DNMBP: variants seen among roughly 807,000 people sequenced by gnomAD.
The protein encoded by DNMBP is dynamin-binding protein.
Under a neutral mutation model 150.0 loss-of-function variants are expected in DNMBP, and 87 were observed. The observed-to-expected ratio is 0.58, with a 90% CI of 0.49 to 0.69. The LOEUF (loss-of-function observed/expected upper bound fraction) is 0.69. DNMBP is among the 30% of genes least tolerant of loss of function. The probability of loss-of-function intolerance (pLI) is 0.00; values close to 1 mark genes in which losing one functional copy is unlikely to be tolerated. For synonymous variants in DNMBP, 711 were observed against 750.4 expected (o/e 0.95, Z 0.86); for missense variants, 1,774 against 1,949.0 (o/e 0.91, Z 1.69).
At chr10:100,001,365 A>G (rs1337062644) in intron 1 of DNMBP, among the ~76,000 whole-genome samples, 1 of 150,418 alleles carries the variant, frequency 6.6e-6, no homozygotes, top group Non-Finnish European at 1.5e-5. Flanking sequence ...ACACTAGCAA[A>G]AAGTGATTAG....
chr10:99,886,417 C>G lies in DNMBP; in HGVS notation c.3501G>C (p.Glu1167Asp). 6.2e-7 allele frequency: 1 copy of G among 1,614,210 alleles called. No homozygotes were observed. The highest frequency in any genetic ancestry group is 8.5e-7 in the Non-Finnish European group (1 of 1,180,034). ...GGGCGTACTGGTGGAACTTGGGCAGCTCATCCAGCAGCTGTGCATTCAGGG... is the reference window on the plus strand; with the variant it reads ...GGGCGTACTGGTGGAACTTGGGCAGGTCATCCAGCAGCTGTGCATTCAGGG... ...YEALNAQLLD[E>D]LPKFHQYAQG... The change falls in exon 13 of 17, where the codon GAG (glutamate) becomes GAC (aspartate). Residue 1167 changes from glutamate to aspartate, a missense_variant. Around this residue, in one of 2 missense-constraint regions of DNMBP, gnomAD observed 1,430 missense variants for 1,492.5 expected, o/e 0.96. Coordinates refer to ENST00000324109, the MANE Select transcript of DNMBP (RefSeq NM_015221.4).
At chr10:99,970,581 T>C (rs967068740) in intron 2 of DNMBP, among the ~76,000 whole-genome samples, 1 of 151,498 alleles carries the variant, frequency 6.6e-6, no homozygotes, top group Admixed American at 6.6e-5. Flanking sequence ...TAAGATCAAG[T>C]GAAGAATGAA....
intron 4 of DNMBP, among the ~76,000 whole-genome samples, chr10:99,918,901 T>G (rs1398957380): frequency 6.6e-6 from 1 of 152,256 alleles, no homozygotes; most frequent in Non-Finnish European, 1.5e-5. Flanking sequence ...GTGGGATTAT[T>G]ATTTTTTAAT....
At chr10:99,908,415 C>A (rs1462969464) in intron 5 of DNMBP, among the ~76,000 whole-genome samples, 1 of 152,376 alleles carries the variant, frequency 6.6e-6, no homozygotes, top group Admixed American at 6.5e-5. Context: ...TGCAGAAGTA[C>A]TTGGGAGTGA....
At chr10:100,001,409 TG>T (rs1300025084) in intron 1 of DNMBP, among the ~76,000 whole-genome samples, 8 of 52,116 alleles carry the variant, frequency 1.5e-4, no homozygotes, top group Admixed American at 4.7e-4. Context: ...GTTTTGTTGT[TG>T]TTGTTTTTTT....
intron 1 of DNMBP, among the ~76,000 whole-genome samples, chr10:99,992,944 T>C (rs898231461): frequency 6.6e-6 from 1 of 152,132 alleles, no homozygotes; most frequent in African/African-American, 2.4e-5. Context: ...GTCAGGAGGC[T>C]GAGGTGGGAG....
At chr10:99,945,605 C>T (rs1399534064) in intron 4 of DNMBP, among the ~76,000 whole-genome samples, 1 of 152,200 alleles carries the variant, frequency 6.6e-6, no homozygotes, top group African/African-American at 2.4e-5. Flanking sequence ...AAGTCCTTAG[C>T]AATTCTGACA....
chr10:100,004,077 CAA>C (rs551141586), intron 1 of DNMBP, among the ~76,000 whole-genome samples: 1 of 139,924 alleles, frequency 7.1e-6, no homozygotes, highest in South Asian at 2.2e-4. Context: ...AAAAAAATTA[CAA>C]AAAAAAAAAA....
chr10:99,951,821 G>C (rs184715110), intron 4 of DNMBP, among the ~76,000 whole-genome samples: 64 of 152,318 alleles, frequency 4.2e-4, no homozygotes, highest in African/African-American at 1.3e-3. Context: ...TCGAACTGTG[G>C]ACTTTTGAGT....
intron 1 of DNMBP, among the ~76,000 whole-genome samples, chr10:99,997,927 C>CAAAA (rs71009798): frequency 0.013 from 292 of 22,320 alleles, 56 homozygotes; most frequent in African/African-American, 0.022. Context: ...GACTCTGTCT[C>CAAAA]AAAAAAAAAA....
At chr10:99,928,409 C>A (rs1253633581) in intron 4 of DNMBP, among the ~76,000 whole-genome samples, 1 of 152,176 alleles carries the variant, frequency 6.6e-6, no homozygotes, top group African/African-American at 2.4e-5. Flanking sequence ...CATTCTCTGA[C>A]TAACCTTTAT....
At chr10:99,977,933 C>A (rs948643991) in intron 1 of DNMBP, among the ~76,000 whole-genome samples, 1 of 152,190 alleles carries the variant, frequency 6.6e-6, no homozygotes, top group Non-Finnish European at 1.5e-5. Flanking sequence ...GCAACAGTGC[C>A]ATAGCAATGT....
At chr10:99,965,812 G>A (rs369199041) in intron 3 of DNMBP, among the ~76,000 whole-genome samples, 9 of 152,056 alleles carry the variant, frequency 5.9e-5, no homozygotes, top group Admixed American at 2.0e-4. Context: ...TACTCTTAAG[G>A]TTTCCAAATC....
intron 4 of DNMBP, among the ~76,000 whole-genome samples, chr10:99,954,393 T>C (rs1023868393): frequency 6.6e-6 from 1 of 151,700 alleles, no homozygotes; most frequent in African/African-American, 2.4e-5. Flanking sequence ...ACAGCAGTCA[T>C]AGGCTCAAAA....
At chr10:99,907,559 C>T (rs374490012) in intron 6 of DNMBP, among the ~76,000 whole-genome samples, 16 of 151,866 alleles carry the variant, frequency 1.1e-4, no homozygotes, top group African/African-American at 3.1e-4. Context: ...CCCATGACCA[C>T]GCCCAGCTCT....
chr10:99,941,193 C>A (rs2040296549), intron 4 of DNMBP, among the ~76,000 whole-genome samples: 1 of 151,852 alleles, frequency 6.6e-6, no homozygotes, highest in African/African-American at 2.4e-5. Context: ...CGTCACTTGC[C>A]CCTTCGTGAA....
intron 3 of DNMBP, among the ~76,000 whole-genome samples, chr10:99,964,885 A>ATAT (rs1313725020): frequency 7.3e-4 from 99 of 135,958 alleles, no homozygotes; most frequent in Middle Eastern, 3.8e-3. Flanking sequence ...AAAAAAAAAA[A>ATAT]ATATATATAT....
At chr10:99,982,237 G>A (rs1214126814) in intron 1 of DNMBP, among the ~76,000 whole-genome samples, 1 of 152,048 alleles carries the variant, frequency 6.6e-6, no homozygotes, top group East Asian at 1.9e-4. Flanking sequence ...TTGAGCCCAG[G>A]AGCTCGAGAC....
At position 99,941,184 on chromosome 10, in the gene DNMBP, G is replaced by A. The variant is rs144826224; in HGVS notation, c.2260+14030C>T. On this transcript the variant is annotated intron_variant, in intron 4 of 16. Transcript: ENST00000324109. ...ACAGGCGTGAGCCACCGCACCTGGC[G>A]TCACTTGCCCCTTCGTGAAACCGTT... Among the ~76,000 whole-genome samples the A allele has an allele frequency of 8.5e-3, 1,284 of 151,730 alleles. 18 individuals are homozygous for A. Among genetic ancestry groups the A allele is most frequent in the Middle Eastern group, 0.044 (13 of 294 alleles).
Sources: allele counts gnomAD v4.1 joint callset (sites outside exome capture counted in the v4.1 genomes callset), GRCh38; gene constraint gnomAD v4.1.1; regional missense constraint gnomAD v4.1.1; transcripts MANE v1.5; gene names NCBI Gene and HGNC (gene_info 2026-07-23, HGNC 2026-07-21).